The following CENPK variants were observed in gnomAD, a reference collection of about 807,000 sequenced individuals.
The protein encoded by CENPK is SoxLZ/Sox6-binding protein Solt.
In CENPK, 46 loss-of-function variants were observed where a neutral mutation model predicts 40.9. The observed-to-expected ratio is 1.13, with a 90% confidence interval of 0.89 to 1.44. The LOEUF (loss-of-function observed/expected upper bound fraction) is 1.44. Ranked by LOEUF, CENPK falls within the 40% of genes most tolerant of loss-of-function variation. The pLI is 0.00. For synonymous variants in CENPK, 107 were observed against 104.4 expected (o/e 1.02, Z -0.15); for missense variants, 288 against 303.5 (o/e 0.95, Z 0.38).
rs373819381 is a variant in CENPK, at chr5:65,521,438, C to T, written c.651+37G>A. The T allele has an allele frequency of 2.6e-6, 4 of 1,538,484 alleles. No individual in the cohort carries two copies. In the African/African-American group the frequency reaches 5.5e-5, roughly 21 times the overall value. On this transcript the variant is annotated intron_variant, in intron 10 of 10. Transcript: ENST00000396679. Reference sequence around the variant, plus strand: ...TATAATTGTTCACAAATGACTAAGACAGCTTCAAGACAAAACAAACTACAC... The same window carrying T: ...TATAATTGTTCACAAATGACTAAGATAGCTTCAAGACAAAACAAACTACAC...
At chr5:65,496,926 G>A in the CENPK span, among the ~76,000 whole-genome samples, 3 of 151,496 alleles carry the variant, frequency 2.0e-5, no homozygotes, top group South Asian at 2.1e-4. Context: ...GCGTGGTGGC[G>A]GGTGCCTGTA....
At chr5:65,557,929 T>C (rs1395471462) in intron 2 of CENPK, among the ~76,000 whole-genome samples, 1 of 152,176 alleles carries the variant, frequency 6.6e-6, no homozygotes, top group Non-Finnish European at 1.5e-5. Flanking sequence ...ATATTAAGTA[T>C]ATGAAACGTT....
chr5:65,544,551 C>T (rs545267736), intron 5 of CENPK, among the ~76,000 whole-genome samples: 24 of 152,120 alleles, frequency 1.6e-4, no homozygotes, highest in Non-Finnish European at 2.1e-4. Context: ...AAGAATTGAA[C>T]GCAGGGCCTC....
chr5:65,524,446 C>T (rs1211869186), intron 9 of CENPK, among the ~76,000 whole-genome samples: 1 of 148,784 alleles, frequency 6.7e-6, no homozygotes, highest in African/African-American at 2.5e-5. Context: ...GTCAGGAGGT[C>T]GAGACCATCC....
chr5:65,528,640 T>C, intron 8 of CENPK, 62 bp from the exon 9 acceptor site: 1 of 1,407,528 alleles, frequency 7.1e-7, no homozygotes, highest in African/African-American at 1.5e-5. Context: ...CACATGTAAC[T>C]AGTTATTCAT....
At chr5:65,510,682 A>G in the CENPK span, among the ~76,000 whole-genome samples, 1 of 151,894 alleles carries the variant, frequency 6.6e-6, no homozygotes, top group Non-Finnish European at 1.5e-5. Context: ...AGGCTGAGGC[A>G]GGAGAATTGC....
intron 8 of CENPK, 85 bp from the exon 9 acceptor site, chr5:65,528,663 A>T: frequency 7.3e-7 from 1 of 1,368,524 alleles, no homozygotes. Context: ...AGTTGATCAA[A>T]AACTTTGTTA....
Position 65,518,540 on chromosome 5 carries a change from T to G in CENPK, c.745A>C (p.Asn249His). 1 of 1,613,584 alleles carries G rather than the reference T, an allele frequency of 6.2e-7. No individual in the cohort carries two copies. Among genetic ancestry groups the G allele is most frequent in the Non-Finnish European group, 8.5e-7 (1 of 1,179,764 alleles). ...WPPYVELLLR[N>H]GIALRHPEDP... ...TCTGGATGTCTCAAGGCAATTCCAT[T>G]ACGCAGCAGCAGCTCAACATAAGGT... The change falls in exon 11 of 11, where the codon AAT becomes CAT. Residue 249 changes from asparagine to histidine, a missense_variant. Coordinates refer to ENST00000396679, the MANE Select transcript of CENPK (RefSeq NM_022145.5).
In CENPK at chr5:65,528,471, C is replaced by G. The variant is rs151068525; in HGVS notation, c.578G>C (p.Arg193Thr). ...FLEDHFPLPD[R>T]SVKKKKKNIQ... is the part of the protein sequence containing the mutation. ...ACTTACCTTTTTCTTTTTAACACTTCTATCAGGCAGAGGAAAATGGTCTTC... is the reference window on the plus strand; with the variant it reads ...ACTTACCTTTTTCTTTTTAACACTTGTATCAGGCAGAGGAAAATGGTCTTC... Residue 193 changes from arginine (R) to threonine (T), a missense_variant, in exon 9 of 11, where the codon AGA (arginine) becomes ACA (threonine). Arg to Thr is a moderately conservative substitution (Grantham distance 71, BLOSUM62 -1). Transcript: ENST00000396679. 608 of 1,599,782 alleles carry G rather than the reference C, an allele frequency of 3.8e-4. 3 individuals are homozygous for G. In the African/African-American group the frequency reaches 7.1e-3, roughly 19 times the overall value.
intron 10 of CENPK, among the ~76,000 whole-genome samples, chr5:65,520,664 T>G (rs1561613946): frequency 6.6e-6 from 1 of 152,306 alleles, no homozygotes; most frequent in East Asian, 1.9e-4. Flanking sequence ...TATTAAATCC[T>G]GAGGAACCAA....
intron 6 of CENPK, chr5:65,541,505 T>C: frequency 2.2e-6 from 1 of 451,652 alleles, no homozygotes; most frequent in South Asian, 1.6e-5. Context: ...TACGTTGTAT[T>C]GAGTGGTGAC....
downstream of CENPK, among the ~76,000 whole-genome samples, chr5:65,517,539 G>C (rs1445578786): frequency 6.6e-6 from 1 of 152,018 alleles, no homozygotes; most frequent in Admixed American, 6.6e-5. Flanking sequence ...GTTTACTTTA[G>C]AAAATATGAA....
chr5:65,506,019 T>C, the CENPK span, among the ~76,000 whole-genome samples: 1 of 152,236 alleles, frequency 6.6e-6, no homozygotes, highest in Admixed American at 6.5e-5. Context: ...TAATCCAATA[T>C]GGAATCTGTA....
At chr5:65,557,600 C>G (rs567365814) in intron 2 of CENPK, among the ~76,000 whole-genome samples, 26 of 152,296 alleles carry the variant, frequency 1.7e-4, no homozygotes, top group African/African-American at 6.3e-4. Context: ...GTATCAACTC[C>G]CAGACATACA....
chr5:65,538,264 C>T (rs777853730), intron 6 of CENPK, among the ~76,000 whole-genome samples: 114 of 152,054 alleles, frequency 7.5e-4, no homozygotes, highest in Non-Finnish European at 1.1e-3. Context: ...TTTTGAACTT[C>T]TGTCTTTCAA....
chr5:65,508,524 C>T, the CENPK span, among the ~76,000 whole-genome samples: 2 of 152,172 alleles, frequency 1.3e-5, no homozygotes, highest in African/African-American at 4.8e-5. Flanking sequence ...GTGGCTCATG[C>T]CTGTAAGCCC....
Position 65,561,578 on chromosome 5 carries a change from A to T in CENPK, c.-141-14T>A. On this transcript the variant is annotated splice_polypyrimidine_tract_variant and intron_variant, in intron 1 of 10. Transcript: ENST00000396679. ...CAGCCTCTAGACCTGTGAGAAATAA[A>T]TTTCAGTTGTTTAATTAAAACACAC... 2.3e-6 allele frequency: 1 copy of T among 438,580 alleles called. No homozygotes were observed. The highest frequency in any genetic ancestry group is 3.3e-4 in the Middle Eastern group (1 of 3,008). 27.2% of individuals were successfully genotyped at this position (438,580 alleles called of 1,614,324 possible).
Position 65,529,002 on chromosome 5 carries a change from C to T in CENPK, c.387G>A (p.Leu129=), listed in dbSNP as rs1357350104. Reference sequence around the variant, plus strand: ...ATTCCATTATCTGTTGCTGTTCATCCAACCACCGTTGTTCCCTTTCGACAT... The same window carrying T: ...ATTCCATTATCTGTTGCTGTTCATCTAACCACCGTTGTTCCCTTTCGACAT... ...KEDLEREQRW[L]DEQQQIMESL... The change falls in exon 8 of 11, where the codon TTG becomes TTA. Residue 129 remains leucine, a synonymous_variant. Coordinates refer to ENST00000396679, the MANE Select transcript of CENPK (RefSeq NM_022145.5). 1 of 1,609,288 alleles carries T rather than the reference C, an allele frequency of 6.2e-7. No homozygotes were observed. The highest frequency in any genetic ancestry group is 1.1e-5 in the South Asian group (1 of 90,324).
chr5:65,536,612 T>A (rs66971305), intron 6 of CENPK, among the ~76,000 whole-genome samples: 53,417 of 151,462 alleles, frequency 0.35, 9,822 homozygotes, highest in East Asian at 0.58. Context: ...AACAGAGTAA[T>A]AACCTGTTTC....
Sources: gnomAD v4.1 joint callset for allele counts (sites outside exome capture counted in the v4.1 genomes callset) on GRCh38, gnomAD v4.1.1 for gene constraint, MANE v1.5 for transcripts, NCBI Gene and HGNC (gene_info 2026-07-23, HGNC 2026-07-21) for gene names.